Variants in MSH3 observed in about 807,000 individuals in gnomAD.
The protein encoded by MSH3 is DNA mismatch repair protein Msh3.
Under a neutral mutation model 123.3 loss-of-function variants are expected in MSH3, and 106 were observed. The observed-to-expected ratio is 0.86, with a 90% CI of 0.73 to 1.01. The LOEUF is 1.01. Among genes scored for constraint, MSH3 ranks in the 50% least tolerant of loss-of-function variants. MSH3 has a pLI of 0.00. For missense variants in MSH3, 1,459 were observed against 1,347.6 expected, an observed-to-expected ratio of 1.08 and a Z score of -1.29; for synonymous variants, 515 against 481.4, an observed-to-expected ratio of 1.07 and a Z score of -0.91.
chr5:80,699,990 A>G (rs1561448463), intron 8 of MSH3, among the ~76,000 whole-genome samples: 1 of 152,340 alleles, frequency 6.6e-6, no homozygotes, highest in East Asian at 1.9e-4. Flanking sequence ...TTTCGAGAGC[A>G]GAAGATAAAT....
intron 21 of MSH3, chr5:80,855,747 C>T (rs746458414): frequency 6.6e-6 from 1 of 152,188 alleles, no homozygotes; most frequent in Non-Finnish European, 1.5e-5. Context: ...TCTAAATAGC[C>T]TTGTCCTTAG....
At chr5:80,675,845 T>C (rs1027040178) in intron 7 of MSH3, among the ~76,000 whole-genome samples, 4 of 152,204 alleles carry the variant, frequency 2.6e-5, no homozygotes, top group African/African-American at 9.6e-5. Context: ...GGTGGCAAAG[T>C]GTTCTATAAA....
chr5:80,793,855 T>C (rs1268657979), intron 19 of MSH3, among the ~76,000 whole-genome samples: 2 of 152,206 alleles, frequency 1.3e-5, no homozygotes, highest in Non-Finnish European at 2.9e-5. Context: ...TTGAGTTCCA[T>C]TGTCAAAGCT....
chr5:80,795,317 C>T (rs754851580), intron 19 of MSH3, among the ~76,000 whole-genome samples: 12 of 152,128 alleles, frequency 7.9e-5, no homozygotes, highest in Non-Finnish European at 1.5e-4. Context: ...TCTGTTCAGG[C>T]TGCTGTAACA....
intron 2 of MSH3, 111 bp downstream of exon 2, chr5:80,656,642 G>C: frequency 6.8e-7 from 1 of 1,479,568 alleles, no homozygotes; most frequent in Non-Finnish European, 9.3e-7. Flanking sequence ...TGTGGAGAAA[G>C]GTCCCTTTTG....
At chr5:80,705,397 T>C (rs1031993974) in intron 8 of MSH3, among the ~76,000 whole-genome samples, 17 of 152,352 alleles carry the variant, frequency 1.1e-4, no homozygotes, top group African/African-American at 4.1e-4. Context: ...TCCAGGACTT[T>C]GTACCAGACG....
At position 80,778,791 on chromosome 5, in the gene MSH3, A is replaced by T; in HGVS notation, c.2390A>T (p.Glu797Val). ...TACAGACATCTGAATCAGCTCCGGG[A>T]GCAGCTAGTCCTTGACTGCAGTGCT... ...ENYRHLNQLR[E>V]QLVLDCSAEW... The change falls in exon 17 of 24, where the codon GAG (glutamate) becomes GTG (valine). Residue 797 changes from glutamate (E) to valine (V), a missense_variant. Glu to Val is a moderately radical substitution (Grantham distance 121, BLOSUM62 -2). Transcript: ENST00000265081. 6.2e-7 allele frequency: 1 copy of T among 1,612,226 alleles called. No homozygotes were observed. Among genetic ancestry groups the T allele is most frequent in the Non-Finnish European group, 8.5e-7 (1 of 1,178,318 alleles).
intron 12 of MSH3, among the ~76,000 whole-genome samples, chr5:80,747,045 ATCT>A (rs1175403050): frequency 6.6e-6 from 1 of 152,234 alleles, no homozygotes; most frequent in Non-Finnish European, 1.5e-5. Flanking sequence ...AAATGGAAAT[ATCT>A]TCTTTAGTTC....
At chr5:80,827,736 C>G (rs541544798) in intron 20 of MSH3, among the ~76,000 whole-genome samples, 68 of 152,226 alleles carry the variant, frequency 4.5e-4, no homozygotes, top group African/African-American at 1.6e-3. Flanking sequence ...GAATTTAAGG[C>G]TTGTTCCTTT....
chr5:80,851,992 A>G (rs1745837781), intron 20 of MSH3, among the ~76,000 whole-genome samples: 1 of 152,222 alleles, frequency 6.6e-6, no homozygotes. Context: ...TTACTGTTTT[A>G]GAAAGCACTT....
chr5:80,831,562 T>TTTTAGTAATTGG (rs1456087639), intron 20 of MSH3, among the ~76,000 whole-genome samples: 1 of 152,214 alleles, frequency 6.6e-6, no homozygotes. Context: ...TGGTATTCTC[T>TTTTAGTAATTGG]TACAGTCTTT....
In MSH3 at chr5:80,833,190, C is replaced by CA. The variant is rs577645319; in HGVS notation, c.2813+19450dup. Among the ~76,000 whole-genome samples the CA allele has an allele frequency of 2.2e-3, 342 of 152,090 alleles. 2 individuals are homozygous for CA. Among genetic ancestry groups the CA allele is most frequent in the African/African-American group, 8.0e-3 (331 of 41,506 alleles). On this transcript the variant is annotated intron_variant, in intron 20 of 23. Coordinates refer to ENST00000265081, the MANE Select transcript of MSH3 (RefSeq NM_002439.5). Reference sequence around the variant, plus strand: ...AGTCAGCTGCCACTCCTAAAAATATCAGAGTGATTTTTTTTTTCCTTAATC... The same window carrying CA: ...AGTCAGCTGCCACTCCTAAAAATATCAAGAGTGATTTTTTTTTTCCTTAATC...
intron 20 of MSH3, among the ~76,000 whole-genome samples, chr5:80,846,922 C>T (rs1271326731): frequency 1.3e-5 from 2 of 152,146 alleles, no homozygotes; most frequent in Non-Finnish European, 2.9e-5. Context: ...TAGGCTGCAC[C>T]CACTGTCCAA....
chr5:80,846,860 C>T (rs577375734), intron 20 of MSH3, among the ~76,000 whole-genome samples: 1 of 152,328 alleles, frequency 6.6e-6, no homozygotes, highest in South Asian at 2.1e-4. Flanking sequence ...CCCCCGTCCC[C>T]TTGCACTTCC....
intron 22 of MSH3, among the ~76,000 whole-genome samples, chr5:80,867,372 C>G (rs1746124558): frequency 1.3e-5 from 2 of 152,188 alleles, no homozygotes; most frequent in Non-Finnish European, 2.9e-5. Flanking sequence ...CCTGTTCACT[C>G]TTTCTTAGAA....
intron 2 of MSH3, among the ~76,000 whole-genome samples, chr5:80,660,595 A>T (rs72765567): frequency 2.0e-5 from 3 of 152,368 alleles, no homozygotes; most frequent in Admixed American, 6.5e-5. Context: ...AGTCATATTT[A>T]GAAGAAAAGA....
At chr5:80,827,676 A>G (rs920913544) in intron 20 of MSH3, among the ~76,000 whole-genome samples, 6 of 152,212 alleles carry the variant, frequency 3.9e-5, no homozygotes, top group African/African-American at 1.4e-4. Flanking sequence ...AACTGTGTCT[A>G]GCAAACACTA....
In MSH3 at chr5:80,691,972, TATAGATAAACATGTATATGTTTAG is replaced by T. The variant is rs772320929; in HGVS notation, c.1340+12915_1340+12938del. 1.6e-3 allele frequency among the ~76,000 whole-genome samples: 74 copies of T among 45,676 alleles called. 8 individuals carry two copies. The highest frequency in any genetic ancestry group is 3.4e-3 in the South Asian group (7 of 2,038). 30.0% of individuals were successfully genotyped at this position (45,676 alleles called of 152,430 possible). A position where few individuals can be genotyped will look rare whatever the true frequency, so the allele number is the denominator to read the frequency against. ...ATATAGATAAACATGTATATGTTTA[TATAGATAAACATGTATATGTTTAG>T]ATAGATAAACATGTATATGTTTAGA... On this transcript the variant is annotated intron_variant, in intron 8 of 23. Coordinates refer to ENST00000265081, the MANE Select transcript of MSH3 (RefSeq NM_002439.5).
At chr5:80,664,349 T>A (rs1749514940) in intron 2 of MSH3, among the ~76,000 whole-genome samples, 1 of 152,174 alleles carries the variant, frequency 6.6e-6, no homozygotes, top group African/African-American at 2.4e-5. Context: ...CAATATCAAG[T>A]CTTTCCGCTT....
Sources: gnomAD v4.1 joint callset for allele counts (sites outside exome capture counted in the v4.1 genomes callset) on GRCh38, gnomAD v4.1.1 for gene constraint, MANE v1.5 for transcripts, NCBI Gene and HGNC (gene_info 2026-07-23, HGNC 2026-07-21) for gene names.